The following DLGAP2 variants were observed in gnomAD, a reference collection of about 807,000 sequenced individuals.
DLGAP2 encodes DLG associated protein 2.
In DLGAP2, 26 loss-of-function variants were observed where a neutral mutation model predicts 100.3. That is an observed-to-expected ratio of 0.26 (90% CI 0.19 to 0.36). The LOEUF (loss-of-function observed/expected upper bound fraction) is 0.36, where lower values mean the gene tolerates loss of function less well. DLGAP2 is among the 10% of genes least tolerant of loss of function. DLGAP2 has a pLI of 1.00. For synonymous variants in DLGAP2, 886 were observed against 630.1 expected, an observed-to-expected ratio of 1.41 and a Z score of -6.08; for missense variants, 1,858 against 1,453.2, an observed-to-expected ratio of 1.28 and a Z score of -4.53.
At chr8:999,051 C>G (rs1800866714) in intron 2 of DLGAP2, among the ~76,000 whole-genome samples, 1 of 152,206 alleles carries the variant, frequency 6.6e-6, no homozygotes, top group South Asian at 2.1e-4. Flanking sequence ...TAGCTTCTTC[C>G]TCCATGCTGT....
At chr8:1,009,288 A>G (rs913323082) in intron 2 of DLGAP2, among the ~76,000 whole-genome samples, 2 of 152,216 alleles carry the variant, frequency 1.3e-5, no homozygotes, top group African/African-American at 2.4e-5. Flanking sequence ...CAGAACAGAC[A>G]TTAGAATGTT....
At chr8:1,125,875 A>G (rs1272838155) in intron 2 of DLGAP2, among the ~76,000 whole-genome samples, 1 of 152,216 alleles carries the variant, frequency 6.6e-6, no homozygotes, top group African/African-American at 2.4e-5. Context: ...GCGGGGAGGC[A>G]GAAAGGCAGG....
chr8:1,673,182 C>T (rs562969455), intron 10 of DLGAP2, among the ~76,000 whole-genome samples: 52 of 152,298 alleles, frequency 3.4e-4, no homozygotes, highest in Admixed American at 3.3e-3. Context: ...TCACAGCTCA[C>T]TCCAGCCTCA....
chr8:813,941 A>G (rs1796417440), intron 1 of DLGAP2, among the ~76,000 whole-genome samples: 1 of 152,144 alleles, frequency 6.6e-6, no homozygotes, highest in African/African-American at 2.4e-5. Context: ...AATAGATGAT[A>G]AAAAGTACAG....
chr8:1,413,950 GT>G (rs1796805754), intron 3 of DLGAP2, among the ~76,000 whole-genome samples: 1 of 152,120 alleles, frequency 6.6e-6, no homozygotes, highest in Non-Finnish European at 1.5e-5. Context: ...ATCGTAAGCT[GT>G]TCACTGAAGA....
intron 3 of DLGAP2, among the ~76,000 whole-genome samples, chr8:1,448,736 T>G (rs557558737): frequency 1.3e-5 from 2 of 152,350 alleles, no homozygotes; most frequent in Admixed American, 6.5e-5. Context: ...CTTTTTTCAC[T>G]TGGAGACCCA....
chr8:1,450,694 T>TC (rs1798134556), intron 3 of DLGAP2, among the ~76,000 whole-genome samples: 1 of 152,114 alleles, frequency 6.6e-6, no homozygotes, highest in Non-Finnish European at 1.5e-5. Flanking sequence ...ATGGCCTATG[T>TC]CCCCAGGGCC....
At chr8:1,216,009 G>T (rs1000909800) in intron 2 of DLGAP2, among the ~76,000 whole-genome samples, 8 of 152,184 alleles carry the variant, frequency 5.3e-5, no homozygotes, top group African/African-American at 1.9e-4. Context: ...ACCTGGAGAC[G>T]TCTAGGCTCA....
At chr8:1,378,821 T>A (rs758160771) in intron 3 of DLGAP2, among the ~76,000 whole-genome samples, 1 of 152,228 alleles carries the variant, frequency 6.6e-6, no homozygotes, top group African/African-American at 2.4e-5. Context: ...TTCTTTCAAA[T>A]CCTGATTCTC....
intron 2 of DLGAP2, among the ~76,000 whole-genome samples, chr8:1,243,737 C>T (rs1327523014): frequency 6.6e-6 from 1 of 152,176 alleles, no homozygotes; most frequent in Non-Finnish European, 1.5e-5. Flanking sequence ...AAGTCCCAAA[C>T]AACAGAGCAT....
chr8:1,186,498 A>T (rs1383750332), intron 2 of DLGAP2, among the ~76,000 whole-genome samples: 1 of 152,184 alleles, frequency 6.6e-6, no homozygotes, highest in Non-Finnish European at 1.5e-5. Context: ...CAAGGCTGTC[A>T]GTGACTGCAG....
At chr8:1,350,741 T>A (rs1407772370) in intron 3 of DLGAP2, among the ~76,000 whole-genome samples, 6 of 63,672 alleles carry the variant, frequency 9.4e-5, no homozygotes, top group African/African-American at 2.3e-4. Context: ...GTCCTGAGTG[T>A]GTGTGGAAAG....
chr8:947,727 C>T (rs1799364353), intron 2 of DLGAP2, among the ~76,000 whole-genome samples: 1 of 152,356 alleles, frequency 6.6e-6, no homozygotes, highest in East Asian at 1.9e-4. Flanking sequence ...GAGACTTCTC[C>T]ATTCCCACCC....
intron 2 of DLGAP2, among the ~76,000 whole-genome samples, chr8:1,132,181 G>T (rs1388039163): frequency 6.6e-6 from 1 of 152,188 alleles, no homozygotes; most frequent in Admixed American, 6.5e-5. Flanking sequence ...GTATTTAAAA[G>T]ACATAAATTT....
At chr8:1,204,836 C>G (rs1797955923) in intron 2 of DLGAP2, among the ~76,000 whole-genome samples, 1 of 152,148 alleles carries the variant, frequency 6.6e-6, no homozygotes, top group African/African-American at 2.4e-5. Flanking sequence ...ATTTATGAGG[C>G]TGAACTAAAT....
chr8:1,438,193 A>C (rs1332105318), intron 3 of DLGAP2, among the ~76,000 whole-genome samples: 1 of 152,104 alleles, frequency 6.6e-6, no homozygotes, highest in Non-Finnish European at 1.5e-5. Flanking sequence ...AGCGCTAGCC[A>C]CCTGGTTCTT....
intron 3 of DLGAP2, among the ~76,000 whole-genome samples, chr8:1,493,897 C>G (rs1342631210): frequency 6.6e-6 from 1 of 152,208 alleles, no homozygotes; most frequent in Admixed American, 6.5e-5. Context: ...GGTTTTGTGT[C>G]CATTTCATTT....
intron 3 of DLGAP2, among the ~76,000 whole-genome samples, chr8:1,270,311 A>G (rs189186727): frequency 1.2e-4 from 19 of 152,318 alleles, no homozygotes; most frequent in African/African-American, 4.3e-4. Context: ...GCTCTGAAAA[A>G]TGTCCAGAAA....
intron 3 of DLGAP2, among the ~76,000 whole-genome samples, chr8:1,357,198 G>T (rs979279009): frequency 6.6e-6 from 1 of 152,084 alleles, no homozygotes; most frequent in African/African-American, 2.4e-5. Flanking sequence ...AGTCGCAAGG[G>T]TGCTCAGGTG....
Sources: gnomAD v4.1 joint callset for allele counts (sites outside exome capture counted in the v4.1 genomes callset) on GRCh38, gnomAD v4.1.1 for gene constraint, MANE v1.5 for transcripts, NCBI Gene and HGNC (gene_info 2026-07-23, HGNC 2026-07-21) for gene names.